Variants in SMO observed in about 807,000 individuals in gnomAD.
SMO encodes the protein smoothened, frizzled class receptor.
SMO carries 40 observed loss-of-function variants against 81.6 expected under a neutral mutation model. That is an observed-to-expected ratio of 0.49 (90% confidence interval 0.38 to 0.64). The LOEUF (loss-of-function observed/expected upper bound fraction) is 0.64, where lower values mean the gene tolerates loss of function less well. SMO is among the 30% of genes least tolerant of loss of function. The pLI is 0.00. For missense variants in SMO, 916 were observed against 1,061.1 expected, an observed-to-expected ratio of 0.86 and a Z score of 1.90; for synonymous variants, 434 against 432.1, an observed-to-expected ratio of 1.00 and a Z score of -0.05.
At chr7:129,198,056 C>G (rs1239486388) in intron 1 of SMO, among the ~76,000 whole-genome samples, 1 of 152,170 alleles carries the variant, frequency 6.6e-6, no homozygotes, top group African/African-American at 2.4e-5. Flanking sequence ...GAAAGCTTCC[C>G]CATCCTAGTA....
At position 129,211,319 on chromosome 7, in the gene SMO, C is replaced by G; in HGVS notation, c.1801+206C>G. On this transcript the variant is annotated intron_variant, in intron 10 of 11. Coordinates refer to ENST00000249373, the MANE Select transcript of SMO (RefSeq NM_005631.5). The surrounding 1 kb of genome is among the most constrained non-coding windows in gnomAD (Gnocchi z 4.6). Reference sequence around the variant, plus strand: ...CCCCTCTCTGTTTCTGCCCCTGGGTCTGCTTGCCGGTGCTTGGGTTCCAAG... The same window carrying G: ...CCCCTCTCTGTTTCTGCCCCTGGGTGTGCTTGCCGGTGCTTGGGTTCCAAG... 1 of 730,132 alleles carries G rather than the reference C, an allele frequency of 1.4e-6. No individual in the cohort carries two copies. Among genetic ancestry groups the G allele is most frequent in the Non-Finnish European group, 2.4e-6 (1 of 411,362 alleles). The allele number at this position is 730,132 out of a possible 1,614,324, so 45.2% of individuals were successfully genotyped here.
rs2150650443 is a variant in SMO at position 129,206,384 on chromosome 7, A to T, written c.1140+15A>T. 2 of 1,614,080 alleles carry T rather than the reference A, an allele frequency of 1.2e-6. No homozygotes were observed. The highest frequency in any genetic ancestry group is 1.7e-6 in the Non-Finnish European group (2 of 1,179,940). ...CTGTGGCGCAGGTATAGTGACTGGT[A>T]GGAACGGGAGACCTGGATGGGGTGA... On this transcript the variant is annotated intron_variant, in intron 5 of 11. Transcript: ENST00000249373. The surrounding 1 kb of genome is among the most constrained non-coding windows in gnomAD (Gnocchi z 4.4).
chr7:129,198,378 C>G (rs1261946611), intron 1 of SMO, among the ~76,000 whole-genome samples: 3 of 152,240 alleles, frequency 2.0e-5, no homozygotes, highest in African/African-American at 7.2e-5. Flanking sequence ...ACCACCAACA[C>G]TGGTTTTTGT....
intron 7 of SMO, 54 bp from the exon 8 acceptor site, chr7:129,209,234 CT>C (rs1383855594): frequency 9.3e-7 from 1 of 1,076,438 alleles, no homozygotes; most frequent in Non-Finnish European, 1.4e-6. Context: ...CTCCTCCCCA[CT>C]GCTGCTGCGG....
At chr7:129,190,824 G>C (rs762451079) in intron 1 of SMO, among the ~76,000 whole-genome samples, 47 of 152,342 alleles carry the variant, frequency 3.1e-4, no homozygotes, top group Non-Finnish European at 5.7e-4. Context: ...GATTACCATA[G>C]TGTAAGGTGG....
In SMO at chr7:129,206,094, C is replaced by T. The variant is rs2150649688; in HGVS notation, c.921-56C>T. ...GGGTCTGGGCACAGGGTGGGGAGAC[C>T]AGGTAGAGGGAGTACAGAGTGACCG... On this transcript the variant is annotated intron_variant, in intron 4 of 11. Transcript: ENST00000249373. The surrounding 1 kb of genome is among the most constrained non-coding windows in gnomAD (Gnocchi z 4.4). 2 of 1,367,310 alleles carry T rather than the reference C, an allele frequency of 1.5e-6. No homozygotes were observed. Among genetic ancestry groups the T allele is most frequent in the South Asian group, 1.3e-5 (1 of 74,666 alleles). 84.7% of individuals were successfully genotyped at this position (1,367,310 alleles called of 1,614,324 possible). A position where few individuals can be genotyped will look rare whatever the true frequency, so the allele number is the denominator to read the frequency against.
intron 7 of SMO, 176 bp from the exon 8 acceptor site, chr7:129,209,110 GCTT>G: frequency 1.6e-6 from 1 of 610,894 alleles, no homozygotes; most frequent in Non-Finnish European, 3.0e-6. Flanking sequence ...TCCCACAGTT[GCTT>G]CAAGTGCCCT....
In SMO at chr7:129,205,305, G is replaced by A. The variant is rs370713652; in HGVS notation, c.640G>A (p.Gly214Ser). 6 of 1,614,172 alleles carry A rather than the reference G, an allele frequency of 3.7e-6. No homozygotes were observed. Among genetic ancestry groups the A allele is most frequent in the South Asian group, 2.2e-5 (2 of 91,072 alleles). Reference sequence around the variant, plus strand: ...CTGGTACGAGGACGTGGAGGGCTGCGGCATCCAGTGCCAGAACCCGCTCTT... The same window carrying A: ...CTGGTACGAGGACGTGGAGGGCTGCAGCATCCAGTGCCAGAACCCGCTCTT... ...KSWYEDVEGC[G>S]IQCQNPLFTE... The change falls in exon 3 of 12, where the codon GGC becomes AGC. Residue 214 changes from glycine (G) to serine (S), a missense_variant. Gly to Ser is a moderately conservative substitution (Grantham distance 56, BLOSUM62 0). Transcript: ENST00000249373.
intron 6 of SMO, among the ~76,000 whole-genome samples, chr7:129,207,556 C>T (rs1239412731): frequency 6.6e-6 from 1 of 152,096 alleles, no homozygotes; most frequent in African/African-American, 2.4e-5. Context: ...ATTTGTGCTT[C>T]GTTATCATGC....
chr7:129,207,587 T>C (rs889183642), intron 6 of SMO, among the ~76,000 whole-genome samples: 2 of 152,204 alleles, frequency 1.3e-5, no homozygotes, highest in Non-Finnish European at 2.9e-5. Context: ...TGGTAATCAC[T>C]AGCCACATGT....
Position 129,210,542 on chromosome 7 carries a change from G to A in SMO, c.1646G>A (p.Trp549Ter), listed in dbSNP as rs2150654046. 2 of 1,612,886 alleles carry A rather than the reference G, an allele frequency of 1.2e-6. No homozygotes were observed. Among genetic ancestry groups the A allele is most frequent in the Non-Finnish European group, 1.7e-6 (2 of 1,179,054 alleles). Reference sequence around the variant, plus strand: ...ACGCTGCTCATCTGGAGGCGTACCTGGTGCAGGTGGGCATGGCAGCCAGCC... The same window carrying A: ...ACGCTGCTCATCTGGAGGCGTACCTAGTGCAGGTGGGCATGGCAGCCAGCC... ...KATLLIWRRT[W>*]CRLTGQSDDE... The change falls in exon 9 of 12, where the codon TGG (tryptophan) becomes TAG (stop). Residue 549 changes from tryptophan (W) to a stop codon, truncating the protein, a stop_gained. Transcript: ENST00000249373. LOFTEE classifies it high-confidence loss of function. This position sits in a 1 kb window ranked among gnomAD's most constrained non-coding sequence, Gnocchi z 4.7.
chr7:129,211,511 G>T lies in SMO; in HGVS notation c.1802-125G>T. 1.9e-6 allele frequency: 2 copies of T among 1,078,872 alleles called. No homozygotes were observed. The highest frequency in any genetic ancestry group is 2.8e-6 in the Non-Finnish European group (2 of 710,684). 66.8% of individuals were successfully genotyped at this position (1,078,872 alleles called of 1,614,324 possible). On this transcript the variant is annotated intron_variant, in intron 10 of 11. Coordinates refer to ENST00000249373, the MANE Select transcript of SMO (RefSeq NM_005631.5). The surrounding 1 kb of genome is among the most constrained non-coding windows in gnomAD (Gnocchi z 4.6). ...GGGTAGAGATCACCGTGGTTACAGG[G>T]TGAGCTTTCTCTGGTGAGCAGGAGG...
At chr7:129,192,653 T>C (rs994818150) in intron 1 of SMO, among the ~76,000 whole-genome samples, 3 of 152,066 alleles carry the variant, frequency 2.0e-5, no homozygotes, top group African/African-American at 2.4e-5. Context: ...GTAGTGCTCA[T>C]AGGGCACTGA....
rs1434729179 is a variant in SMO at position 129,203,424 on chromosome 7, C to T, written c.372C>T (p.Pro124=). 12 of 1,559,266 alleles carry T rather than the reference C, an allele frequency of 7.7e-6. No individual in the cohort carries two copies. Among genetic ancestry groups the T allele is most frequent in the Non-Finnish European group, 1.0e-5 (12 of 1,151,242 alleles). ...CCCGCTGCTGGGCAGTGATCCAGCC[C>T]CTGCTGTGTGCCGTATACATGCCCA... ...NAPRCWAVIQ[P]LLCAVYMPKC... The change falls in exon 2 of 12, where the codon CCC becomes CCT. Residue 124 remains proline, a synonymous_variant. Coordinates refer to ENST00000249373, the MANE Select transcript of SMO (RefSeq NM_005631.5).
chr7:129,203,652 G>A, intron 2 of SMO, 63 bp downstream of exon 2: 2 of 1,313,534 alleles, frequency 1.5e-6, no homozygotes, highest in Non-Finnish European at 2.1e-6. Context: ...TATAGGGCAG[G>A]GTCCAGTGGG....
Position 129,211,781 on chromosome 7 carries a change from T to G in SMO, c.1936+11T>G, listed in dbSNP as rs2150655851. 1 of 1,613,846 alleles carries G rather than the reference T, an allele frequency of 6.2e-7. No individual in the cohort carries two copies. The highest frequency in any genetic ancestry group is 2.2e-5 in the East Asian group (1 of 44,872). ...CTGTGGCAACTCCAGGTATGAGAGT[T>G]CAAGCTTCTGGAGGAAGGTGGGGGG... On this transcript the variant is annotated intron_variant, in intron 11 of 11. Transcript: ENST00000249373. The surrounding 1 kb of genome is among the most constrained non-coding windows in gnomAD (Gnocchi z 4.6).
chr7:129,190,493 G>A lies in SMO; in HGVS notation c.331+1011G>A, dbSNP rs117288208. Among the ~76,000 whole-genome samples, 744 of 152,354 alleles carry A rather than the reference G, an allele frequency of 4.9e-3. 6 individuals are homozygous for A. The highest frequency in any genetic ancestry group is 7.1e-3 in the Non-Finnish European group (483 of 68,040). ...AAAAAGAAAAGAAAACCAGGAGCCA[G>A]GAGCAGAACTGGGAGCCTCCCTCTT... On this transcript the variant is annotated intron_variant, in intron 1 of 11. Transcript: ENST00000249373.
rs763839373 is a variant in SMO, at chr7:129,210,435, G to A, written c.1539G>A (p.Pro513=). 1.9e-6 allele frequency: 3 copies of A among 1,614,046 alleles called. No individual in the cohort carries two copies. The highest frequency in any genetic ancestry group is 1.3e-5 in the African/African-American group (1 of 74,948). Residue 513 remains proline, a synonymous_variant, in exon 9 of 12, where the codon CCG becomes CCA. Transcript: ENST00000249373. This position sits in a 1 kb window ranked among gnomAD's most constrained non-coding sequence, Gnocchi z 4.7. The part of the protein sequence containing the change: ...PIPDCEIKNR[P]SLLVEKINLF... ...CTGACTGTGAGATCAAGAATCGCCC[G>A]AGCCTTCTGGTGGAGAAGATCAACC...
Position 129,211,279 on chromosome 7 carries a change from C to A in SMO, c.1801+166C>A. Reference sequence around the variant, plus strand: ...CCATTCTTCCCCCGGCCCCTCCTACCCTCTGGGGGGCTCTCCCCTCTCTGT... The same window carrying A: ...CCATTCTTCCCCCGGCCCCTCCTACACTCTGGGGGGCTCTCCCCTCTCTGT... On this transcript the variant is annotated intron_variant, in intron 10 of 11. Transcript: ENST00000249373. This position sits in a 1 kb window ranked among gnomAD's most constrained non-coding sequence, Gnocchi z 4.6. The A allele has an allele frequency of 1.2e-6, 1 of 817,450 alleles. No individual in the cohort carries two copies. The highest frequency in any genetic ancestry group is 2.0e-6 in the Non-Finnish European group (1 of 491,956). The allele number at this position is 817,450 out of a possible 1,614,324, so 50.6% of individuals were successfully genotyped here. A position where few individuals can be genotyped will look rare whatever the true frequency, so the allele number is the denominator to read the frequency against.
Sources: allele counts gnomAD v4.1 joint callset (sites outside exome capture counted in the v4.1 genomes callset), GRCh38; gene constraint gnomAD v4.1.1; non-coding constraint Gnocchi (gnomAD v3.1); transcripts MANE v1.5; gene names NCBI Gene and HGNC (gene_info 2026-07-23, HGNC 2026-07-21).